Variants in ATP11C observed in about 807,000 individuals in gnomAD.
ATP11C encodes ATPase phospholipid transporting 11C (ATP11C blood group), also known as phospholipid-transporting ATPase IG.
In ATP11C, 36 loss-of-function variants were observed where a neutral mutation model predicts 97.4. The observed-to-expected ratio is 0.37, with a 90% CI of 0.28 to 0.49. ATP11C has a LOEUF of 0.49. Among genes scored for constraint, ATP11C ranks in the 20% least tolerant of loss-of-function variants. The pLI is 0.98. For missense variants in ATP11C, 730 were observed against 824.6 expected (o/e 0.89, Z 1.40); for synonymous variants, 275 against 290.9 (o/e 0.95, Z 0.56).
At chrX:139,792,150 G>C (rs1305108297) in intron 12 of ATP11C, among the ~76,000 whole-genome samples, 1 of 110,234 alleles carries the variant, frequency 9.1e-6, no homozygotes, top group Non-Finnish European at 1.9e-5. Flanking sequence ...AACACCAGTG[G>C]CCAATGATTT....
intron 1 of ATP11C, among the ~76,000 whole-genome samples, chrX:139,893,186 G>A (rs1277279327): frequency 9.0e-6 from 1 of 111,350 alleles, no homozygotes; most frequent in Admixed American, 9.6e-5. Flanking sequence ...CTACAGAAGC[G>A]TGCCACCAAG....
chrX:139,899,742 T>A (rs1179002308), intron 1 of ATP11C, among the ~76,000 whole-genome samples: 2 of 111,474 alleles, frequency 1.8e-5, no homozygotes, highest in African/African-American at 3.3e-5. Context: ...AAATTTTTTT[T>A]AAACATTTAA....
chrX:139,767,105 G>A (rs1034127182), intron 20 of ATP11C, among the ~76,000 whole-genome samples: 23 of 111,556 alleles, frequency 2.1e-4, no homozygotes, highest in African/African-American at 7.2e-4. Context: ...AGCCCCAGGC[G>A]CCACATTCAC....
Position 139,728,300 on chromosome X carries a change from C to T in ATP11C, c.*666G>A, listed in dbSNP as rs2081282500. 9.0e-6 allele frequency: 1 copy of T among 111,707 alleles called. No homozygotes were observed. The highest frequency in any genetic ancestry group is 1.9e-5 in the Non-Finnish European group (1 of 52,799). The allele number at this position is 111,707 out of a possible 1,213,427, so 9.2% of individuals were successfully genotyped here. The stretch of plus-strand genomic sequence containing the variant: ...AATAAACAATTTTTTTCTATTCCCA[C>T]AAAAATACCCGTAAGTTAACACTTT... On this transcript the variant is annotated 3_prime_UTR_variant, in exon 30 of 30. Transcript: ENST00000682941.
At chrX:139,861,027 T>A (rs1395279082) in intron 1 of ATP11C, among the ~76,000 whole-genome samples, 1 of 111,709 alleles carries the variant, frequency 9.0e-6, no homozygotes, top group Non-Finnish European at 1.9e-5. Flanking sequence ...CCCCAGACTC[T>A]ACATTGTGTG....
intron 1 of ATP11C, among the ~76,000 whole-genome samples, chrX:139,833,852 T>C (rs909849853): frequency 7.2e-5 from 8 of 111,425 alleles, no homozygotes; most frequent in African/African-American, 2.3e-4. Context: ...CTCATTTCCT[T>C]ATCTATAAAA....
At chrX:139,798,828 A>G in intron 8 of ATP11C, 85 bp from the exon 9 acceptor site, 1 of 654,518 alleles carries the variant, frequency 1.5e-6, no homozygotes, top group South Asian at 2.6e-5. Context: ...ACACACACCT[A>G]TCTCCAAGGG....
At chrX:139,876,150 A>T (rs201686773) in intron 1 of ATP11C, among the ~76,000 whole-genome samples, 1 of 111,644 alleles carries the variant, frequency 9.0e-6, no homozygotes, top group East Asian at 2.8e-4. Flanking sequence ...AACAACAGCA[A>T]ATATAGTCTT....
intron 1 of ATP11C, among the ~76,000 whole-genome samples, chrX:139,925,455 T>TGTAGCCCAGTCTGAAATGCATAA (rs2085336060): frequency 4.0e-5 from 4 of 100,189 alleles, no homozygotes; most frequent in Non-Finnish European, 6.0e-5. Context: ...CTGGCTAATT[T>TGTAGCCCAGTCTGAAATGCATAA]TGTAGCCCAG....
At chrX:139,853,324 AAG>A (rs1395447595) in intron 1 of ATP11C, among the ~76,000 whole-genome samples, 3 of 108,241 alleles carry the variant, frequency 2.8e-5, no homozygotes, top group Non-Finnish European at 5.7e-5. Context: ...AGGAGAGAAA[AAG>A]AGAGAGGGGA....
At chrX:139,811,399 C>A (rs1386529588) in intron 5 of ATP11C, among the ~76,000 whole-genome samples, 1 of 111,101 alleles carries the variant, frequency 9.0e-6, no homozygotes, top group African/African-American at 3.3e-5. Context: ...CTTAACATAG[C>A]CAAAAGTGAA....
At chrX:139,741,115 A>G (rs778401112) in intron 26 of ATP11C, 21 bp from the exon 27 acceptor site, 4 of 1,024,834 alleles carry the variant, frequency 3.9e-6, no homozygotes, top group Non-Finnish European at 5.5e-6. Context: ...ACAACACAAA[A>G]GATTTCACGA....
chrX:139,854,593 A>T (rs1279175224), intron 1 of ATP11C, among the ~76,000 whole-genome samples: 2 of 111,853 alleles, frequency 1.8e-5, no homozygotes, highest in African/African-American at 6.5e-5. Context: ...TGTCTGTGAA[A>T]GCCGTGAAAG....
chrX:139,785,454 A>C (rs758997666), intron 15 of ATP11C, among the ~76,000 whole-genome samples, 155 bp from the exon 16 acceptor site: 4 of 112,402 alleles, frequency 3.6e-5, no homozygotes, highest in Non-Finnish European at 7.5e-5. Context: ...ATTTCTCTGA[A>C]CATAGAACAT....
At chrX:139,904,246 G>C (rs1389779518) in intron 1 of ATP11C, among the ~76,000 whole-genome samples, 1 of 111,707 alleles carries the variant, frequency 9.0e-6, no homozygotes, top group Non-Finnish European at 1.9e-5. Flanking sequence ...GCATGCTTTT[G>C]GCCGGGCACG....
rs189172664 is a variant in ATP11C at position 139,772,080 on chromosome X, A to G, written c.2216+2610T>C. Among the ~76,000 whole-genome samples, 351 of 111,947 alleles carry G rather than the reference A, an allele frequency of 3.1e-3. 1 individual carries two copies. The highest frequency in any genetic ancestry group is 0.01 in the African/African-American group (323 of 30,815). ...AAAAGTGGTTTCATGGGCCAGGCCC[A>G]GCGTCCCCGTGCTGTGTGTAGCCTA... On this transcript the variant is annotated intron_variant, in intron 19 of 29. Coordinates refer to ENST00000682941, the MANE Select transcript of ATP11C (RefSeq NM_001353812.2).
chrX:139,752,428 C>CA (rs759447272), intron 23 of ATP11C, among the ~76,000 whole-genome samples: 118 of 111,715 alleles, frequency 1.1e-3, no homozygotes, highest in African/African-American at 3.7e-3. Flanking sequence ...ACCAGTTGAG[C>CA]AACGGAAGGA....
chrX:139,862,908 T>C (rs921461397), intron 1 of ATP11C, among the ~76,000 whole-genome samples: 5 of 112,008 alleles, frequency 4.5e-5, no homozygotes, highest in Non-Finnish European at 9.4e-5. Flanking sequence ...CCTTGGGGAA[T>C]AACTGCTCTA....
chrX:139,887,149 T>C lies in ATP11C; in HGVS notation c.27+44867A>G, dbSNP rs192624584. 3.9e-3 allele frequency among the ~76,000 whole-genome samples: 439 copies of C among 112,016 alleles called. 2 individuals are homozygous for C. Among genetic ancestry groups the C allele is most frequent in the Non-Finnish European group, 6.4e-3 (341 of 53,235 alleles). On this transcript the variant is annotated intron_variant, in intron 1 of 29. Coordinates refer to ENST00000682941, the MANE Select transcript of ATP11C (RefSeq NM_001353812.2). ...AATGATGCTGGAACAATTAGATATA[T>C]CTATATTCAAAAAATGAATCTCAAC...
Sources: gnomAD v4.1 joint callset for allele counts (sites outside exome capture counted in the v4.1 genomes callset) on GRCh38, gnomAD v4.1.1 for gene constraint, MANE v1.5 for transcripts, NCBI Gene and HGNC (gene_info 2026-07-23, HGNC 2026-07-21) for gene names.